Variants in DOCK4 observed in about 807,000 individuals in gnomAD.
DOCK4 encodes the protein dedicator of cytokinesis protein 4.
DOCK4 carries 97 observed loss-of-function variants against 268.1 expected under a neutral mutation model. That is an observed-to-expected ratio of 0.36 (90% CI 0.31 to 0.43). DOCK4 has a LOEUF of 0.43. Among genes scored for constraint, DOCK4 ranks in the 20% least tolerant of loss-of-function variants. DOCK4 has a pLI of 1.00. For synonymous variants in DOCK4, 954 were observed against 887.2 expected (o/e 1.08, Z -1.34); for missense variants, 2,145 against 2,455.7 (o/e 0.87, Z 2.67).
In DOCK4 at chr7:112,160,747, C is replaced by T. The variant is rs188938177; in HGVS notation, c.37+45355G>A. On this transcript the variant is annotated intron_variant, in intron 1 of 52. Transcript: ENST00000428084. The stretch of plus-strand genomic sequence containing the variant: ...CAACAATTAATTTGTCAAACTTTAG[C>T]TTTCTATACACTTATCTTTCGAAAC... 9.8e-5 allele frequency among the ~76,000 whole-genome samples: 15 copies of T among 152,308 alleles called. No individual in the cohort carries two copies. In the East Asian group the frequency reaches 2.7e-3, roughly 27 times the overall value.
chr7:112,067,892 T>C (rs1316297837), intron 1 of DOCK4, among the ~76,000 whole-genome samples: 1 of 152,196 alleles, frequency 6.6e-6, no homozygotes, highest in Non-Finnish European at 1.5e-5. Flanking sequence ...AGTTTAATTA[T>C]TAGCATTTTT....
At chr7:112,097,327 A>G (rs1042989888) in intron 1 of DOCK4, among the ~76,000 whole-genome samples, 35 of 150,406 alleles carry the variant, frequency 2.3e-4, no homozygotes, top group African/African-American at 8.0e-4. Context: ...TAATCCCAGC[A>G]CCTTGGGAGG....
chr7:112,162,869 T>C (rs1176572940), intron 1 of DOCK4, among the ~76,000 whole-genome samples: 1 of 152,182 alleles, frequency 6.6e-6, no homozygotes. Flanking sequence ...CATATAATGT[T>C]CTCAAGCACT....
At chr7:111,765,833 A>G (rs1180430271) in intron 38 of DOCK4, among the ~76,000 whole-genome samples, 4 of 152,214 alleles carry the variant, frequency 2.6e-5, no homozygotes, top group Non-Finnish European at 5.9e-5. Flanking sequence ...ACTATGAAGC[A>G]TATAAAGCTT....
intron 23 of DOCK4, among the ~76,000 whole-genome samples, chr7:111,856,624 T>TA (rs1415372584): frequency 3.9e-5 from 6 of 152,196 alleles, no homozygotes; most frequent in Admixed American, 1.3e-4. Flanking sequence ...TGGAAACTGT[T>TA]AAACTTTCAG....
At position 111,977,746 on chromosome 7, in the gene DOCK4, A is replaced by T. The variant is rs561680086; in HGVS notation, c.550-463T>A. Among the ~76,000 whole-genome samples, 7 of 152,344 alleles carry T rather than the reference A, an allele frequency of 4.6e-5. No individual in the cohort carries two copies. The South Asian group carries it at 1.4e-3, about 32-fold the overall frequency. ...AATTATATCTAAGTTATAACTTCTC[A>T]TTACTCATAATTAAAAGTTCTTTTA... is the stretch of plus-strand genomic sequence containing the variant. On this transcript the variant is annotated intron_variant, in intron 7 of 52. Coordinates refer to ENST00000428084, the MANE Select transcript of DOCK4 (RefSeq NM_001363540.2).
chr7:111,814,520 C>A (rs1181660601), intron 27 of DOCK4, among the ~76,000 whole-genome samples: 1 of 152,110 alleles, frequency 6.6e-6, no homozygotes, highest in East Asian at 1.9e-4. Flanking sequence ...TTAACAGGTA[C>A]CTGGTGATCT....
chr7:111,991,485 AT>A (rs1209596447), intron 5 of DOCK4, among the ~76,000 whole-genome samples: 1 of 152,196 alleles, frequency 6.6e-6, no homozygotes, highest in East Asian at 1.9e-4. Context: ...ATATCAAGAG[AT>A]TCTGGAAACA....
At chr7:111,804,981 G>T (rs977447579) in intron 30 of DOCK4, among the ~76,000 whole-genome samples, 1 of 152,146 alleles carries the variant, frequency 6.6e-6, no homozygotes, top group Non-Finnish European at 1.5e-5. Flanking sequence ...AGGATGATGT[G>T]TTCAGTGCTC....
In DOCK4 at chr7:111,944,868, A is replaced by G; in HGVS notation, c.787T>C (p.Leu263=). 1 of 1,613,956 alleles carries G rather than the reference A, an allele frequency of 6.2e-7. No individual in the cohort carries two copies. The highest frequency in any genetic ancestry group is 1.1e-5 in the South Asian group (1 of 91,074). Residue 263 remains leucine, a synonymous_variant, in exon 10 of 53, where the codon TTG becomes CTG. Transcript: ENST00000428084. ...TCCTTTCTTAGCTCACTGCTGCCCA[A>G]ATCCTACAAACAAAGAAAGTTTGGT... ...PERHCSLFVD[L]GSSELRKDIY...
chr7:112,134,131 C>T (rs1377317661), intron 1 of DOCK4, among the ~76,000 whole-genome samples: 1 of 152,150 alleles, frequency 6.6e-6, no homozygotes, highest in Non-Finnish European at 1.5e-5. Flanking sequence ...GCTTCAGAAT[C>T]GTTTCAATTG....
At chr7:112,023,237 T>C (rs1227814672) in intron 1 of DOCK4, among the ~76,000 whole-genome samples, 1 of 152,182 alleles carries the variant, frequency 6.6e-6, no homozygotes, top group Non-Finnish European at 1.5e-5. Flanking sequence ...TGAGAAGCCT[T>C]TTCTACGTAT....
rs1464636099 is a variant in DOCK4, at chr7:111,727,713, T to C, written c.*561A>G. 1 of 152,266 alleles carries C rather than the reference T, an allele frequency of 6.6e-6. No homozygotes were observed. Among genetic ancestry groups the C allele is most frequent in the Non-Finnish European group, 1.5e-5 (1 of 68,042 alleles). 9.4% of individuals were successfully genotyped at this position (152,266 alleles called of 1,614,324 possible). On this transcript the variant is annotated 3_prime_UTR_variant, in exon 53 of 53. Transcript: ENST00000428084. ...AACAGCAAAAGCAACCTTAAAGAAG[T>C]ATTTTGTTTCAAGAACAAAACAATT...
At chr7:111,781,587 C>A (rs1011818495) in intron 35 of DOCK4, among the ~76,000 whole-genome samples, 1 of 152,074 alleles carries the variant, frequency 6.6e-6, no homozygotes, top group Non-Finnish European at 1.5e-5. Context: ...ATGCTTAGGT[C>A]TCACTATTTT....
intron 1 of DOCK4, among the ~76,000 whole-genome samples, chr7:112,112,479 TA>T (rs1452677682): frequency 6.6e-6 from 1 of 151,784 alleles, no homozygotes; most frequent in Non-Finnish European, 1.5e-5. Context: ...CCATCTCTAC[TA>T]AAAATACAAA....
intron 13 of DOCK4, among the ~76,000 whole-genome samples, chr7:111,907,568 G>A (rs548325762): frequency 4.6e-5 from 7 of 152,018 alleles, no homozygotes; most frequent in Admixed American, 1.3e-4. Context: ...TTAGAATCTC[G>A]GCTTCACTCT....
chr7:111,814,810 C>A (rs1167122237), intron 27 of DOCK4, among the ~76,000 whole-genome samples: 1 of 152,170 alleles, frequency 6.6e-6, no homozygotes, highest in East Asian at 1.9e-4. Context: ...GAAAGAGGCA[C>A]AGGGCATTGG....
At chr7:112,194,586 C>T (rs1338883253) in intron 1 of DOCK4, among the ~76,000 whole-genome samples, 1 of 152,216 alleles carries the variant, frequency 6.6e-6, no homozygotes, top group Admixed American at 6.5e-5. Flanking sequence ...GACTCAACTT[C>T]TACCAGTCCA....
intron 1 of DOCK4, among the ~76,000 whole-genome samples, chr7:112,134,217 A>G (rs183412158): frequency 6.6e-6 from 1 of 152,160 alleles, no homozygotes; most frequent in African/African-American, 2.4e-5. Context: ...CTTTCACTAC[A>G]ATAGCAACAC....
Sources: allele counts gnomAD v4.1 joint callset (sites outside exome capture counted in the v4.1 genomes callset), GRCh38; gene constraint gnomAD v4.1.1; transcripts MANE v1.5; gene names NCBI Gene and HGNC (gene_info 2026-07-23, HGNC 2026-07-21).